Variants in IL1R1 observed in about 807,000 individuals in gnomAD.
IL1R1 encodes the protein interleukin 1 receptor type 1.
IL1R1 carries 22 observed loss-of-function variants against 50.2 expected under a neutral mutation model. The observed-to-expected ratio is 0.44, with a 90% CI of 0.31 to 0.63. IL1R1 has a LOEUF of 0.63. Among genes scored for constraint, IL1R1 ranks in the 20% least tolerant of loss-of-function variants. The pLI is 0.07. For synonymous variants in IL1R1, 251 were observed against 236.7 expected (o/e 1.06, Z -0.55); for missense variants, 509 against 676.2 (o/e 0.75, Z 2.74).
chr2:102,117,717 A>T (rs1681164560), intron 1 of IL1R1, among the ~76,000 whole-genome samples: 1 of 152,054 alleles, frequency 6.6e-6, no homozygotes, highest in Non-Finnish European at 1.5e-5. Context: ...TGTAGTAAGG[A>T]TTTCTCAGAA....
intron 1 of IL1R1, among the ~76,000 whole-genome samples, chr2:102,098,440 A>G (rs1321038185): frequency 1.3e-5 from 2 of 152,176 alleles, no homozygotes; most frequent in Admixed American, 1.3e-4. Flanking sequence ...CACTGTAATA[A>G]AATGAACAGA....
intron 8 of IL1R1, chr2:102,172,303 C>G: frequency 1.0e-6 from 1 of 985,306 alleles, no homozygotes. Context: ...TACTGCTCAT[C>G]TATGGGACAA....
At chr2:102,115,695 A>T (rs1681031374) in intron 1 of IL1R1, among the ~76,000 whole-genome samples, 1 of 152,078 alleles carries the variant, frequency 6.6e-6, no homozygotes, top group African/African-American at 2.4e-5. Context: ...TAGGCCTTGG[A>T]GGGGGGAGAA....
chr2:102,174,128 C>T (rs1685912458), intron 9 of IL1R1, among the ~76,000 whole-genome samples: 1 of 152,122 alleles, frequency 6.6e-6, no homozygotes, highest in African/African-American at 2.4e-5. Context: ...CCCCAGCTTC[C>T]TCTTTAATTA....
chr2:102,073,770 A>G (rs984107948), intron 1 of IL1R1, among the ~76,000 whole-genome samples: 1 of 152,166 alleles, frequency 6.6e-6, no homozygotes, highest in Non-Finnish European at 1.5e-5. Context: ...TGACAGCACC[A>G]TTTACGGTCA....
upstream of IL1R1, among the ~76,000 whole-genome samples, chr2:102,101,779 A>G (rs373827575): frequency 2.6e-5 from 4 of 152,212 alleles, no homozygotes; most frequent in East Asian, 7.7e-4. Context: ...GTCTTCTGAT[A>G]GTTTAAATGT....
chr2:102,078,149 A>G (rs1433061799), intron 1 of IL1R1, among the ~76,000 whole-genome samples: 2 of 152,086 alleles, frequency 1.3e-5, no homozygotes, highest in African/African-American at 4.8e-5. Flanking sequence ...TTCCACTCTA[A>G]TAAACTAAAA....
At chr2:102,103,854 C>G (rs1680260114), upstream of IL1R1, among the ~76,000 whole-genome samples, 1 of 151,940 alleles carries the variant, frequency 6.6e-6, no homozygotes, top group South Asian at 2.1e-4. Flanking sequence ...ATTAGCCAGA[C>G]ATGGTGGCGG....
chr2:102,119,702 A>G (rs1027925708), intron 1 of IL1R1, among the ~76,000 whole-genome samples: 4 of 149,128 alleles, frequency 2.7e-5, no homozygotes, highest in African/African-American at 9.8e-5. Context: ...TATTTAAGGT[A>G]TACAACATGA....
intron 1 of IL1R1, among the ~76,000 whole-genome samples, chr2:102,077,353 G>A (rs1034917795): frequency 4.6e-5 from 7 of 152,222 alleles, no homozygotes; most frequent in African/African-American, 1.4e-4. Context: ...TTATAGGTGT[G>A]AGCCGTGGCA....
intron 1 of IL1R1, 120 bp from the exon 2 acceptor site, chr2:102,153,821 C>T: frequency 6.6e-6 from 1 of 152,506 alleles, no homozygotes; most frequent in East Asian, 1.9e-4. Context: ...TACCCAGTCT[C>T]AGATATTTCT....
intron 1 of IL1R1, among the ~76,000 whole-genome samples, chr2:102,107,630 T>C (rs1319821115): frequency 6.6e-6 from 1 of 151,946 alleles, no homozygotes; most frequent in Non-Finnish European, 1.5e-5. Context: ...ACCCTAGAAC[T>C]TAAAGTATCA....
intron 1 of IL1R1, among the ~76,000 whole-genome samples, chr2:102,098,282 C>T (rs1184060407): frequency 6.6e-6 from 1 of 152,060 alleles, no homozygotes; most frequent in African/African-American, 2.4e-5. Flanking sequence ...CTACTAAAAA[C>T]CTAGAAGTAA....
intron 1 of IL1R1, among the ~76,000 whole-genome samples, chr2:102,127,639 A>G (rs1681788961): frequency 6.8e-6 from 1 of 146,094 alleles, no homozygotes; most frequent in Admixed American, 7.0e-5. Flanking sequence ...CAGGTAAGAC[A>G]GAGATGTGTG....
intron 1 of IL1R1, among the ~76,000 whole-genome samples, chr2:102,109,991 A>C (rs1376406227): frequency 1.3e-5 from 2 of 152,216 alleles, no homozygotes; most frequent in Non-Finnish European, 2.9e-5. Context: ...AAACTTTTCC[A>C]TATGATTTTG....
intron 3 of IL1R1, among the ~76,000 whole-genome samples, chr2:102,164,360 G>A (rs1357709649): frequency 6.6e-6 from 1 of 152,004 alleles, no homozygotes; most frequent in Admixed American, 6.6e-5. Flanking sequence ...GTCTTTCTGG[G>A]ATTTCTCTCC....
chr2:102,150,428 T>A (rs1683549465), intron 1 of IL1R1, among the ~76,000 whole-genome samples: 1 of 152,258 alleles, frequency 6.6e-6, no homozygotes, highest in Admixed American at 6.5e-5. Context: ...TTTTGTAATT[T>A]GTTTCACATT....
At chr2:102,107,641 C>T (rs2041749) in intron 1 of IL1R1, among the ~76,000 whole-genome samples, 91,753 of 151,908 alleles carry the variant, frequency 0.6, 28,220 homozygotes, top group African/African-American at 0.69. Context: ...TAAAGTATCA[C>T]AATAAATAAA....
Position 102,177,708 on chromosome 2 carries a change from A to T in IL1R1, c.*949A>T, listed in dbSNP as rs1686258417. 6.6e-6 allele frequency: 1 copy of T among 152,358 alleles called. No individual in the cohort carries two copies. Among genetic ancestry groups the T allele is most frequent in the Non-Finnish European group, 1.5e-5 (1 of 68,062 alleles). 9.4% of individuals were successfully genotyped at this position (152,358 alleles called of 1,614,324 possible). A position where few individuals can be genotyped will look rare whatever the true frequency, so the allele number is the denominator to read the frequency against. On this transcript the variant is annotated 3_prime_UTR_variant, in exon 12 of 12. Transcript: ENST00000410023. ...GGAGAGAACTTAAAAAAGCAACAGT[A>T]GCAGGGAATTGATCCACTTCTTAAT...
Sources: allele counts gnomAD v4.1 joint callset (sites outside exome capture counted in the v4.1 genomes callset), GRCh38; gene constraint gnomAD v4.1.1; transcripts MANE v1.5; gene names NCBI Gene and HGNC (gene_info 2026-07-23, HGNC 2026-07-21).